GPR158: variants seen among roughly 807,000 people sequenced by gnomAD.
GPR158 encodes the protein metabotropic glycine receptor.
A neutral mutation model predicts 78.2 loss-of-function variants in GPR158; 30 were observed. The observed-to-expected ratio is 0.38, with a 90% CI of 0.29 to 0.52. GPR158 has a LOEUF of 0.52. GPR158 is among the 20% of genes least tolerant of loss of function. GPR158 has a pLI of 0.83. For missense variants in GPR158, 1,463 were observed against 1,523.5 expected, an observed-to-expected ratio of 0.96 and a Z score of 0.66; for synonymous variants, 581 against 591.1, an observed-to-expected ratio of 0.98 and a Z score of 0.25.
chr10:25,393,444 AACTT>A (rs1460441401), intron 2 of GPR158: 1 of 152,254 alleles, frequency 6.6e-6, no homozygotes, highest in Non-Finnish European at 1.5e-5. Context: ...TAGTAAATCT[AACTT>A]ACAACAAACT....
chr10:25,547,929 C>T (rs1377619996), intron 5 of GPR158, among the ~76,000 whole-genome samples: 1 of 152,116 alleles, frequency 6.6e-6, no homozygotes, highest in Non-Finnish European at 1.5e-5. Context: ...TCATATTTAT[C>T]ACTTACCTGT....
intron 2 of GPR158, among the ~76,000 whole-genome samples, chr10:25,291,798 G>A (rs1854439777): frequency 6.6e-6 from 1 of 151,948 alleles, no homozygotes; most frequent in African/African-American, 2.4e-5. Flanking sequence ...GGAACAGAGG[G>A]AAATGGAATA....
intron 4 of GPR158, among the ~76,000 whole-genome samples, chr10:25,445,720 G>GGTAGT (rs1405619690): frequency 6.6e-6 from 1 of 152,014 alleles, no homozygotes; most frequent in Non-Finnish European, 1.5e-5. Context: ...CCATGATATT[G>GGTAGT]GTAGTGGCGG....
intron 5 of GPR158, among the ~76,000 whole-genome samples, chr10:25,487,324 C>A (rs1048148148): frequency 6.6e-6 from 1 of 152,134 alleles, no homozygotes; most frequent in Non-Finnish European, 1.5e-5. Context: ...GAAATTTGCA[C>A]TTCTATACGA....
intron 9 of GPR158, among the ~76,000 whole-genome samples, chr10:25,594,871 G>A (rs1837380950): frequency 6.6e-6 from 1 of 152,072 alleles, no homozygotes; most frequent in Admixed American, 6.6e-5. Flanking sequence ...ACCATGAAAT[G>A]AGGAAAAATG....
intron 2 of GPR158, among the ~76,000 whole-genome samples, chr10:25,374,004 T>C (rs963657028): frequency 2.0e-5 from 3 of 151,722 alleles, no homozygotes; most frequent in Admixed American, 2.0e-4. Context: ...TTTCTACCAT[T>C]ACTGCAAAAA....
intron 2 of GPR158, among the ~76,000 whole-genome samples, chr10:25,241,177 CTTTCTTT>C (rs1285981361): frequency 2.4e-5 from 2 of 84,680 alleles, no homozygotes; most frequent in African/African-American, 5.0e-5. Flanking sequence ...TTCTTTCTTT[CTTTCTTT>C]CTTTCCTTTC....
chr10:25,584,893 C>T (rs1277192605), intron 7 of GPR158, among the ~76,000 whole-genome samples: 5 of 152,178 alleles, frequency 3.3e-5, no homozygotes, highest in African/African-American at 1.2e-4. Context: ...GTGGGTTTTG[C>T]TGTGGCGGCC....
At chr10:25,577,923 T>C (rs1189399700) in intron 7 of GPR158, among the ~76,000 whole-genome samples, 1 of 152,178 alleles carries the variant, frequency 6.6e-6, no homozygotes, top group Non-Finnish European at 1.5e-5. Flanking sequence ...CACTGGACAA[T>C]GTGAGAAGTG....
In GPR158 at chr10:25,175,847, A is replaced by C. The variant is rs1280222134; in HGVS notation, c.427A>C (p.Asn143His). Reference protein sequence around the residue: ...TNFLNVMLQSNKSREQNLQDD... With the variant: ...TNFLNVMLQSHKSREQNLQDD... ...CTTCCTCAACGTGATGCTGCAGAGC[A>C]ATAAGTCGCGGGAGCAGAACTTGCA... The change falls in exon 1 of 11, where the codon AAT becomes CAT. Residue 143 changes from asparagine to histidine, a missense_variant. By Grantham distance (68) the Asn-to-His change is moderately conservative. Transcript: ENST00000376351. The surrounding 1 kb of genome is among the most constrained non-coding windows in gnomAD (Gnocchi z 6.4). 1 of 1,613,756 alleles carries C rather than the reference A, an allele frequency of 6.2e-7. No homozygotes were observed. Among genetic ancestry groups the C allele is most frequent in the Admixed American group, 1.7e-5 (1 of 60,032 alleles).
At chr10:25,587,617 G>A (rs16926153) in intron 7 of GPR158, among the ~76,000 whole-genome samples, 8,596 of 152,180 alleles carry the variant, frequency 0.056, 322 homozygotes, top group African/African-American at 0.11. Flanking sequence ...CCCTTTGCTC[G>A]ATCCAATACA....
intron 2 of GPR158, among the ~76,000 whole-genome samples, chr10:25,235,923 T>C (rs986296688): frequency 5.3e-5 from 8 of 151,900 alleles, no homozygotes; most frequent in South Asian, 2.1e-4. Flanking sequence ...GTGTCAATCA[T>C]CTGACCTTGT....
chr10:25,338,285 G>C (rs917620407), intron 2 of GPR158, among the ~76,000 whole-genome samples: 2 of 149,808 alleles, frequency 1.3e-5, no homozygotes, highest in African/African-American at 2.4e-5. Context: ...TTAGGTGTGA[G>C]GTAGGGGTAA....
chr10:25,345,525 GAAGTA>G (rs1277993444), intron 2 of GPR158, among the ~76,000 whole-genome samples: 2 of 151,940 alleles, frequency 1.3e-5, no homozygotes, highest in East Asian at 1.9e-4. Flanking sequence ...TGCAAGGAAA[GAAGTA>G]AAGGATTTGC....
intron 7 of GPR158, among the ~76,000 whole-genome samples, chr10:25,583,591 C>T (rs1837230533): frequency 6.6e-6 from 1 of 152,050 alleles, no homozygotes; most frequent in Non-Finnish European, 1.5e-5. Flanking sequence ...TAGTGATAAC[C>T]TCTGTGCCAC....
At chr10:25,376,552 A>G (rs1834083069) in intron 2 of GPR158, among the ~76,000 whole-genome samples, 1 of 151,652 alleles carries the variant, frequency 6.6e-6, no homozygotes, top group South Asian at 2.1e-4. Context: ...ATACATATTG[A>G]TTTAGATTAC....
chr10:25,362,380 A>T (rs34166530), intron 2 of GPR158, among the ~76,000 whole-genome samples: 7 of 151,776 alleles, frequency 4.6e-5, no homozygotes, highest in Non-Finnish European at 4.4e-5. Context: ...TTTTGAAATC[A>T]GGAAGTATGA....
At chr10:25,534,484 AAAAAC>A (rs66648229) in intron 5 of GPR158, among the ~76,000 whole-genome samples, 2,107 of 151,988 alleles carry the variant, frequency 0.014, 25 homozygotes, top group African/African-American at 0.021. Flanking sequence ...TAAAAATGCA[AAAAAC>A]AAAACAAAAC....
At chr10:25,336,762 G>A (rs1855213789) in intron 2 of GPR158, among the ~76,000 whole-genome samples, 1 of 152,096 alleles carries the variant, frequency 6.6e-6, no homozygotes, top group African/African-American at 2.4e-5. Flanking sequence ...ATTGACACAT[G>A]AAGATGGTAA....
Sources: allele counts gnomAD v4.1 joint callset (sites outside exome capture counted in the v4.1 genomes callset), GRCh38; gene constraint gnomAD v4.1.1; non-coding constraint Gnocchi (gnomAD v3.1); transcripts MANE v1.5; gene names NCBI Gene and HGNC (gene_info 2026-07-23, HGNC 2026-07-21).